NSMAF: variants seen among roughly 807,000 people sequenced by gnomAD.
NSMAF encodes neutral sphingomyelinase activation associated factor.
In NSMAF, 90 loss-of-function variants were observed where a neutral mutation model predicts 134.9. That is an observed-to-expected ratio of 0.67 (90% CI 0.56 to 0.79). NSMAF has a LOEUF of 0.79. Among genes scored for constraint, NSMAF ranks in the 30% least tolerant of loss-of-function variants. NSMAF has a pLI of 0.00. For missense variants in NSMAF, 1,010 were observed against 1,119.0 expected (o/e 0.90, Z 1.39); for synonymous variants, 358 against 389.6 (o/e 0.92, Z 0.96).
chr8:58,625,414 G>GTA (rs1475963016), intron 6 of NSMAF, among the ~76,000 whole-genome samples: 1 of 151,532 alleles, frequency 6.6e-6, no homozygotes, highest in Non-Finnish European at 1.5e-5. Flanking sequence ...ATGTATGTAT[G>GTA]TATATATATG....
At chr8:58,601,230 G>GTA in intron 16 of NSMAF, 55 bp downstream of exon 16, 1 of 1,376,482 alleles carries the variant, frequency 7.3e-7, no homozygotes, top group South Asian at 1.2e-5. Context: ...CAAGTATGTT[G>GTA]TATATATACA....
At chr8:58,651,763 G>A (rs141171976) in intron 1 of NSMAF, among the ~76,000 whole-genome samples, 123 of 152,312 alleles carry the variant, frequency 8.1e-4, no homozygotes, top group African/African-American at 2.8e-3. Context: ...CTAGCGCAGC[G>A]CTTCACAAAG....
chr8:58,636,539 A>G (rs1423632796), intron 2 of NSMAF, among the ~76,000 whole-genome samples: 2 of 152,190 alleles, frequency 1.3e-5, no homozygotes, highest in Non-Finnish European at 2.9e-5. Context: ...TCTCACCTAA[A>G]GGTTTTAGCA....
intron 29 of NSMAF, 68 bp from the exon 30 acceptor site, chr8:58,585,829 T>G (rs765133810): frequency 4.4e-6 from 7 of 1,579,910 alleles, no homozygotes; most frequent in Non-Finnish European, 6.1e-6. Flanking sequence ...CTGGCCAATG[T>G]AAGCCCAAAT....
Position 58,601,285 on chromosome 8 carries a change from C to T in NSMAF, c.1280G>A (p.Ser427Asn). ...RFDNADRMFN[S>N]IAETWKNCLD... The stretch of plus-strand genomic sequence containing the variant: ...GATAAGCAAGGCATTTGTATCAAAC[C>T]TGTTGAACATTCTATCTGCATTATC... The change falls in exon 16 of 31, where the codon AGT becomes AAT. Residue 427 changes from serine (S) to asparagine (N), a missense_variant and splice_region_variant. By Grantham distance (46) the Ser-to-Asn change is conservative. Transcript: ENST00000038176. The T allele has an allele frequency of 1.2e-6, 2 of 1,612,016 alleles. No homozygotes were observed. Among genetic ancestry groups the T allele is most frequent in the Non-Finnish European group, 1.7e-6 (2 of 1,178,266 alleles).
In NSMAF at chr8:58,628,272, C is replaced by A. The variant is rs189272864; in HGVS notation, c.384+3224G>T. ...AAAGACTTAAACCTAAAACCTGAAACCATAAAAATTCTACATGATAATATT... is the reference window on the plus strand; with the variant it reads ...AAAGACTTAAACCTAAAACCTGAAAACATAAAAATTCTACATGATAATATT... On this transcript the variant is annotated intron_variant, in intron 6 of 30. Transcript: ENST00000038176. Among the ~76,000 whole-genome samples the A allele has an allele frequency of 5.7e-3, 865 of 152,106 alleles. 7 individuals are homozygous for A. Among genetic ancestry groups the A allele is most frequent in the African/African-American group, 0.02 (812 of 41,496 alleles).
At position 58,601,912 on chromosome 8, in the gene NSMAF, C is replaced by T. The variant is rs1164447621; in HGVS notation, c.1125+146G>A. 4.5e-5 allele frequency: 28 copies of T among 624,112 alleles called. 2 individuals carry two copies. In the South Asian group the frequency reaches 5.4e-4, roughly 12 times the overall value. The allele number at this position is 624,112 out of a possible 1,614,324, so 38.7% of individuals were successfully genotyped here. ...ATGCAAATGGTGAGCAGCTAATTCA[C>T]GGTCAGGAGAAAAGTAAGAAAAAAC... On this transcript the variant is annotated intron_variant, in intron 14 of 30. Transcript: ENST00000038176.
At chr8:58,586,349 T>C in intron 28 of NSMAF, 109 bp downstream of exon 28, 1 of 1,112,798 alleles carries the variant, frequency 9.0e-7, no homozygotes. Context: ...TATCAGCAAA[T>C]AGTGTTTTTC....
Position 58,604,557 on chromosome 8 carries a change from A to AT in NSMAF, c.869-1172_869-1171insA, listed in dbSNP as rs1554574191. ...TATATATAACTACATAGATATATAT[A>AT]ATATATATATATAAACCTACTTTAA... is the stretch of plus-strand genomic sequence containing the variant. On this transcript the variant is annotated intron_variant, in intron 12 of 30. Transcript: ENST00000038176. 2.7e-4 allele frequency among the ~76,000 whole-genome samples: 39 copies of AT among 146,714 alleles called. No homozygotes were observed. The East Asian group carries it at 6.7e-3, about 25-fold the overall frequency.
intron 11 of NSMAF, among the ~76,000 whole-genome samples, chr8:58,606,931 C>CT (rs1471873566): frequency 1.3e-5 from 2 of 152,212 alleles, no homozygotes; most frequent in East Asian, 3.8e-4. Flanking sequence ...AATTTCTTCT[C>CT]TTTTTCTGAC....
At position 58,640,326 on chromosome 8, in the gene NSMAF, A is replaced by G. The variant is rs187248157; in HGVS notation, c.149+2658T>C. Among the ~76,000 whole-genome samples, 6 of 152,332 alleles carry G rather than the reference A, an allele frequency of 3.9e-5. No individual in the cohort carries two copies. In the East Asian group the frequency reaches 1.2e-3, roughly 29 times the overall value. On this transcript the variant is annotated intron_variant, in intron 2 of 30. Coordinates refer to ENST00000038176, the MANE Select transcript of NSMAF (RefSeq NM_003580.4). ...CCCTAAATATATACAATTTTTATTC[A>G]TCAATTATATCTCAATAAAGCTGGA... is the stretch of plus-strand genomic sequence containing the variant.
chr8:58,658,766 T>C (rs1258135228), intron 1 of NSMAF, among the ~76,000 whole-genome samples: 1 of 152,222 alleles, frequency 6.6e-6, no homozygotes, highest in Non-Finnish European at 1.5e-5. Flanking sequence ...AGCTTTCTTA[T>C]GAGACTTCCC....
intron 2 of NSMAF, chr8:58,637,316 C>T (rs1563541278): frequency 2.2e-6 from 1 of 455,986 alleles, no homozygotes; most frequent in South Asian, 1.5e-5. Flanking sequence ...CCAAAGAACC[C>T]CCATCCTTTC....
chr8:58,624,829 T>C (rs1806880123), intron 6 of NSMAF, among the ~76,000 whole-genome samples: 1 of 152,206 alleles, frequency 6.6e-6, no homozygotes, highest in Non-Finnish European at 1.5e-5. Flanking sequence ...CTACCCATTG[T>C]CGAAAGTGTG....
At chr8:58,659,100 G>A (rs1807791509) in intron 1 of NSMAF, 2 of 833,826 alleles carry the variant, frequency 2.4e-6, no homozygotes, top group Non-Finnish European at 3.2e-6. Context: ...GCTCGGTGCC[G>A]CCCGGCGACC....
chr8:58,585,255 T>A (rs1266128313), intron 30 of NSMAF, among the ~76,000 whole-genome samples: 1 of 151,576 alleles, frequency 6.6e-6, no homozygotes, highest in Non-Finnish European at 1.5e-5. Context: ...GACTGGGAGG[T>A]AGGAGTCAGC....
intron 1 of NSMAF, among the ~76,000 whole-genome samples, chr8:58,651,778 G>A (rs1231077173): frequency 1.3e-5 from 2 of 152,226 alleles, no homozygotes; most frequent in Admixed American, 1.3e-4. Context: ...ACAAAGGTTA[G>A]TGTGCACACA....
chr8:58,592,259 G>A (rs369659410), intron 23 of NSMAF, among the ~76,000 whole-genome samples: 4 of 152,142 alleles, frequency 2.6e-5, no homozygotes, highest in East Asian at 1.9e-4. Context: ...CTAGTGGTTA[G>A]GATTTGGTGC....
At chr8:58,653,943 G>T (rs1316599742) in intron 1 of NSMAF, among the ~76,000 whole-genome samples, 1 of 152,152 alleles carries the variant, frequency 6.6e-6, no homozygotes, top group African/African-American at 2.4e-5. Context: ...AAGTGGGTAG[G>T]CTAGTAATAC....
Sources: allele counts gnomAD v4.1 joint callset (sites outside exome capture counted in the v4.1 genomes callset), GRCh38; gene constraint gnomAD v4.1.1; transcripts MANE v1.5; gene names NCBI Gene and HGNC (gene_info 2026-07-23, HGNC 2026-07-21).